The following RPGR variants were observed in gnomAD, a reference collection of about 807,000 sequenced individuals.
RPGR encodes the protein X-linked retinitis pigmentosa GTPase regulator.
In RPGR, 10 loss-of-function variants were observed where a neutral mutation model predicts 56.3. The ratio of observed to expected loss-of-function variants is 0.18; its 90% confidence interval spans 0.11 to 0.30. The LOEUF is 0.30. Ranked by LOEUF, RPGR falls within the 10% of genes least tolerant of loss-of-function variation. The probability of loss-of-function intolerance (pLI) is 1.00; values close to 1 mark genes in which losing one functional copy is unlikely to be tolerated. For missense variants in RPGR, 538 were observed against 590.9 expected (o/e 0.91, Z 0.93); for synonymous variants, 197 against 212.9 (o/e 0.93, Z 0.65).
At chrX:38,276,907 A>G in intron 15 of RPGR, 3 of 525,044 alleles carry the variant, frequency 5.7e-6, no homozygotes, top group Non-Finnish European at 9.4e-6. Flanking sequence ...GAAGCCGAAG[A>G]AAAAAATACT....
Position 38,327,442 on chromosome X carries a change from T to C in RPGR, c.-75A>G, listed in dbSNP as rs1337893431. The C allele has an allele frequency of 6.9e-6, 7 of 1,008,636 alleles. No homozygotes were observed. Among genetic ancestry groups the C allele is most frequent in the Non-Finnish European group, 9.3e-6 (7 of 755,036 alleles). 83.1% of individuals were successfully genotyped at this position (1,008,636 alleles called of 1,213,427 possible). ...ACGGTTTGGTCGGGGCTAAAGCAGC[T>C]ACTCCGCACCGACGCGGGCCGCGAA... is the stretch of plus-strand genomic sequence containing the variant. On this transcript the variant is annotated 5_prime_UTR_variant, in exon 1 of 19. The change abolishes the stop of an existing upstream ORF in the 5' untranslated region. Transcript: ENST00000642395.
At chrX:38,300,883 T>G (rs1314338409) in intron 9 of RPGR, among the ~76,000 whole-genome samples, 1 of 111,783 alleles carries the variant, frequency 8.9e-6, no homozygotes, top group Non-Finnish European at 1.9e-5. Flanking sequence ...GATTTGAGAG[T>G]CTAACATTTA....
At chrX:38,274,512 CTACT>C (rs1348089160) in intron 17 of RPGR, among the ~76,000 whole-genome samples, 2 of 112,193 alleles carry the variant, frequency 1.8e-5, no homozygotes, top group Admixed American at 9.4e-5. Flanking sequence ...AGTAAAAAGG[CTACT>C]TAAATTCCTT....
intron 15 of RPGR, chrX:38,284,882 C>T (rs986519051): frequency 1.3e-6 from 1 of 749,848 alleles, no homozygotes; most frequent in Non-Finnish European, 1.6e-6. Context: ...TTAAATTAAT[C>T]ACCATTTCAT....
intron 6 of RPGR, 113 bp downstream of exon 6, chrX:38,317,203 C>G: frequency 2.6e-6 from 2 of 782,441 alleles, no homozygotes; most frequent in Non-Finnish European, 3.8e-6. Context: ...AATTTCATTA[C>G]ATGGACAACC....
intron 13 of RPGR, among the ~76,000 whole-genome samples, chrX:38,288,912 G>T (rs981734323): frequency 9.1e-6 from 1 of 109,742 alleles, no homozygotes; most frequent in African/African-American, 3.3e-5. Flanking sequence ...TTCCTGAGTA[G>T]CTGGGACTAT....
chrX:38,324,597 G>A lies in RPGR; in HGVS notation c.29-1073C>T, dbSNP rs1298110088. Among the ~76,000 whole-genome samples the A allele has an allele frequency of 1.8e-5, 2 of 108,842 alleles. 1 individual carries two copies. The highest frequency in any genetic ancestry group is 5.9e-4 in the East Asian group (2 of 3,371). 94.5% of individuals were successfully genotyped at this position (108,842 alleles called of 115,157 possible). A position where few individuals can be genotyped will look rare whatever the true frequency, so the allele number is the denominator to read the frequency against. On this transcript the variant is annotated intron_variant, in intron 1 of 18. Transcript: ENST00000642395. ...TTGTAAGGATTAAATGAGATGACAT[G>A]TATAAAGAACTTAGCCCAGAGCCTA...
chrX:38,273,512 C>A, intron 17 of RPGR: 1 of 1,072,058 alleles, frequency 9.3e-7, no homozygotes, highest in Admixed American at 2.3e-5. Flanking sequence ...CTAGTTTTAA[C>A]TAATAGGAAA....
intron 15 of RPGR, chrX:38,285,906 C>G (rs763465912): frequency 1.7e-6 from 2 of 1,167,372 alleles, no homozygotes; most frequent in African/African-American, 2.0e-5. Flanking sequence ...CTCCTTCCCC[C>G]TCTCCTTCCT....
intron 18 of RPGR, among the ~76,000 whole-genome samples, chrX:38,271,223 A>T (rs1441690335): frequency 8.9e-6 from 1 of 112,175 alleles, no homozygotes; most frequent in Non-Finnish European, 1.9e-5. Context: ...GTGATAATCC[A>T]AAAAGTAAGA....
chrX:38,301,337 G>A lies in RPGR; in HGVS notation c.969C>T (p.Arg323=), dbSNP rs1308025811. The A allele has an allele frequency of 1.7e-6, 2 of 1,206,789 alleles. No individual in the cohort carries two copies. The highest frequency in any genetic ancestry group is 2.2e-6 in the Non-Finnish European group (2 of 891,229). ...CCAGTCCAAGTCCTAATTTTCCGTG[G>A]CGACCATCTCCAAAAGTATACATAA... The change falls in exon 9 of 19, where the codon CGC becomes CGT. Residue 323 remains arginine, a synonymous_variant. Coordinates refer to ENST00000642395, the MANE Select transcript of RPGR (RefSeq NM_000328.3).
intron 15 of RPGR, chrX:38,276,913 A>G (rs1432620400): frequency 7.9e-6 from 4 of 507,227 alleles, no homozygotes; most frequent in Non-Finnish European, 1.3e-5. Context: ...GAAGAAAAAA[A>G]TACTGTACAG....
At chrX:38,310,443 G>A (rs1382204729) in intron 7 of RPGR, among the ~76,000 whole-genome samples, 172 bp downstream of exon 7, 1 of 111,115 alleles carries the variant, frequency 9.0e-6, no homozygotes, top group Non-Finnish European at 1.9e-5. Flanking sequence ...CTGTACAATG[G>A]TCGTGCCTAT....
chrX:38,327,494 T>G lies in RPGR; in HGVS notation c.-127A>C. 1.5e-6 allele frequency: 1 copy of G among 652,600 alleles called. No homozygotes were observed. Among genetic ancestry groups the G allele is most frequent in the South Asian group, 3.3e-5 (1 of 30,625 alleles). 53.8% of individuals were successfully genotyped at this position (652,600 alleles called of 1,213,427 possible). A position where few individuals can be genotyped will look rare whatever the true frequency, so the allele number is the denominator to read the frequency against. ...GCCCCCAAGTTCCGCATGGCGAAAC[T>G]CCGGAGATCAACTACAACCGCGCTC... is the stretch of plus-strand genomic sequence containing the variant. On this transcript the variant is annotated 5_prime_UTR_variant, in exon 1 of 19. Transcript: ENST00000642395.
chrX:38,288,105 C>G (rs2067222063), intron 13 of RPGR, 64 bp from the exon 14 acceptor site: 14 of 968,516 alleles, frequency 1.4e-5, no homozygotes, highest in Non-Finnish European at 1.9e-5. Context: ...GACAACTTAT[C>G]TACTTTAAAT....
At chrX:38,323,866 T>C (rs1403308454) in intron 1 of RPGR, among the ~76,000 whole-genome samples, 4 of 112,380 alleles carry the variant, frequency 3.6e-5, no homozygotes, top group African/African-American at 1.3e-4. Context: ...GCACAATCTG[T>C]GCTATTCTTG....
chrX:38,279,265 TAAG>T (rs770574358), intron 15 of RPGR: 6 of 322,524 alleles, frequency 1.9e-5, no homozygotes, highest in East Asian at 9.8e-5. Flanking sequence ...TAGAACCATC[TAAG>T]AAGATGTAAA....
chrX:38,305,264 A>C (rs1601952872), intron 7 of RPGR, among the ~76,000 whole-genome samples: 2 of 111,287 alleles, frequency 1.8e-5, no homozygotes, highest in South Asian at 7.5e-4. Context: ...AATTACAAAA[A>C]TTAGTTGAGC....
chrX:38,286,481 C>T, intron 15 of RPGR: 1 of 975,120 alleles, frequency 1.0e-6, no homozygotes, highest in Non-Finnish European at 1.3e-6. Context: ...TCCCCCTCCC[C>T]TTCCTCCTCT....
Sources: gnomAD v4.1 joint callset for allele counts (sites outside exome capture counted in the v4.1 genomes callset) on GRCh38, gnomAD v4.1.1 for gene constraint, MANE v1.5 for transcripts, NCBI Gene and HGNC (gene_info 2026-07-23, HGNC 2026-07-21) for gene names.